Variants in TANC2 observed in about 807,000 individuals in gnomAD.
The protein encoded by TANC2 is tetratricopeptide repeat, ankyrin repeat and coiled-coil containing 2.
A neutral mutation model predicts 210.5 loss-of-function variants in TANC2; 26 were observed. The observed-to-expected ratio is 0.12, with a 90% confidence interval of 0.09 to 0.17. The LOEUF is 0.17. Ranked by LOEUF, TANC2 falls within the 10% of genes least tolerant of loss-of-function variation. The probability of loss-of-function intolerance (pLI) is 1.00; values close to 1 mark genes in which losing one functional copy is unlikely to be tolerated. For synonymous variants in TANC2, 931 were observed against 967.1 expected (o/e 0.96, Z 0.69); for missense variants, 2,129 against 2,608.9 (o/e 0.82, Z 4.01).
At chr17:63,231,219 C>T (rs2042467649) in intron 7 of TANC2, among the ~76,000 whole-genome samples, 1 of 151,988 alleles carries the variant, frequency 6.6e-6, no homozygotes, top group Admixed American at 6.6e-5. Flanking sequence ...ACCCAGCTTG[C>T]CACTCTGTCT....
At chr17:63,305,941 C>G (rs2044887176) in intron 9 of TANC2, among the ~76,000 whole-genome samples, 2 of 152,144 alleles carry the variant, frequency 1.3e-5, no homozygotes, top group Non-Finnish European at 2.9e-5. Context: ...GAGGCGTGGA[C>G]AGGACAGAAT....
At chr17:63,195,359 G>A (rs978242838) in intron 6 of TANC2, among the ~76,000 whole-genome samples, 3 of 152,058 alleles carry the variant, frequency 2.0e-5, no homozygotes, top group Non-Finnish European at 4.4e-5. Context: ...TGAGTAAATG[G>A]TATCACCTAC....
chr17:63,367,686 A>G (rs2047149916), intron 14 of TANC2, among the ~76,000 whole-genome samples: 1 of 152,188 alleles, frequency 6.6e-6, no homozygotes. Context: ...CACTGTAGGC[A>G]GAAAGGAAAA....
At chr17:63,301,297 T>C (rs2044704931) in intron 9 of TANC2, among the ~76,000 whole-genome samples, 2 of 152,202 alleles carry the variant, frequency 1.3e-5, no homozygotes, top group African/African-American at 4.8e-5. Context: ...CCTCATAAAA[T>C]GAGTAAAGGA....
Position 63,421,734 on chromosome 17 carries a change from G to T in TANC2, c.6004G>T (p.Asp2002Tyr). The change falls in exon 28 of 28, where the codon GAT becomes TAT. Residue 2002 changes from aspartate to tyrosine, a missense_variant. By Grantham distance (160) the Asp-to-Tyr change is radical. Transcript: ENST00000689528. This position sits in a 1 kb window ranked among gnomAD's most constrained non-coding sequence, Gnocchi z 6.9. ...ACAGAATGGCCATTTGCTGGAGGAC[G>T]ATTATTACAGCCCCCATGGGATGCT... The T allele has an allele frequency of 6.2e-7, 1 of 1,614,020 alleles. No individual in the cohort carries two copies. The highest frequency in any genetic ancestry group is 8.5e-7 in the Non-Finnish European group (1 of 1,179,906).
At chr17:63,273,765 C>T (rs1353562157) in intron 9 of TANC2, among the ~76,000 whole-genome samples, 1 of 152,208 alleles carries the variant, frequency 6.6e-6, no homozygotes, top group Non-Finnish European at 1.5e-5. Context: ...CTTAGTGGCT[C>T]TCACAGTGTG....
intron 4 of TANC2, among the ~76,000 whole-genome samples, chr17:63,137,576 C>G (rs1466583726): frequency 3.3e-5 from 5 of 152,160 alleles, no homozygotes; most frequent in Admixed American, 2.0e-4. Flanking sequence ...ATGAAAGCCT[C>G]TCTGTGTTTC....
chr17:63,083,034 C>G (rs1239146903), intron 3 of TANC2, among the ~76,000 whole-genome samples: 1 of 152,134 alleles, frequency 6.6e-6, no homozygotes, highest in Non-Finnish European at 1.5e-5. Flanking sequence ...TAAACACTGT[C>G]CATGAGTCAG....
chr17:63,159,707 GAGGATATACGT>G (rs2039959447), intron 5 of TANC2, among the ~76,000 whole-genome samples: 2 of 152,250 alleles, frequency 1.3e-5, no homozygotes, highest in Admixed American at 1.3e-4. Flanking sequence ...AAATATACGG[GAGGATATACGT>G]AGGATATATG....
chr17:63,363,059 G>A (rs768464226), intron 14 of TANC2, among the ~76,000 whole-genome samples: 1 of 152,164 alleles, frequency 6.6e-6, no homozygotes, highest in Non-Finnish European at 1.5e-5. Context: ...TTGGATAAAA[G>A]CCATTTTAAC....
intron 4 of TANC2, among the ~76,000 whole-genome samples, chr17:63,116,803 C>T (rs568704084): frequency 1.1e-3 from 160 of 152,274 alleles, no homozygotes; most frequent in African/African-American, 3.7e-3. Flanking sequence ...CAGTTCCTTA[C>T]ATTGCAACAA....
chr17:63,015,966 T>C (rs1407361839), intron 2 of TANC2, among the ~76,000 whole-genome samples: 1 of 152,084 alleles, frequency 6.6e-6, no homozygotes. Flanking sequence ...TAAATCATTA[T>C]TCAAGTATGC....
At chr17:63,159,749 A>G (rs150032513) in intron 5 of TANC2, among the ~76,000 whole-genome samples, 3 of 152,234 alleles carry the variant, frequency 2.0e-5, no homozygotes, top group Admixed American at 6.5e-5. Context: ...GTCATTTTGT[A>G]TACAAGGAGC....
chr17:63,259,621 CTT>C, intron 8 of TANC2, among the ~76,000 whole-genome samples: 1 of 152,228 alleles, frequency 6.6e-6, no homozygotes, highest in East Asian at 1.9e-4. Flanking sequence ...AATACATTCT[CTT>C]TTAATTAAAA....
intron 4 of TANC2, among the ~76,000 whole-genome samples, chr17:63,137,405 A>G (rs1405098523): frequency 6.6e-6 from 1 of 152,194 alleles, no homozygotes; most frequent in Admixed American, 6.5e-5. Context: ...ATACACAGCT[A>G]AAGTGTCTTT....
In TANC2 at chr17:63,379,602, G is replaced by C. The variant is rs1007108004; in HGVS notation, c.2583-116G>C. 6.1e-6 allele frequency: 4 copies of C among 654,074 alleles called. No homozygotes were observed. In the South Asian group the frequency reaches 7.8e-5, roughly 13 times the overall value. The allele number at this position is 654,074 out of a possible 1,614,324, so 40.5% of individuals were successfully genotyped here. On this transcript the variant is annotated intron_variant, in intron 14 of 27. Coordinates refer to ENST00000689528, the Ensembl canonical transcript of TANC2. ...GAGAATCACTTAAACCCAAGAGGTGGAGGCTGCAGTGAGCCGAGATTGCGC... is the reference window on the plus strand; with the variant it reads ...GAGAATCACTTAAACCCAAGAGGTGCAGGCTGCAGTGAGCCGAGATTGCGC...
chr17:63,056,295 A>C (rs938392761), intron 2 of TANC2, among the ~76,000 whole-genome samples: 1 of 151,382 alleles, frequency 6.6e-6, no homozygotes, highest in African/African-American at 2.4e-5. Context: ...ATTAGTTTCC[A>C]CTGGGGTAAG....
chr17:63,013,574 C>A (rs2033970123), intron 2 of TANC2, among the ~76,000 whole-genome samples: 2 of 152,018 alleles, frequency 1.3e-5, no homozygotes, highest in African/African-American at 4.8e-5. Flanking sequence ...CCAGCCTGGC[C>A]AACATGGCGA....
At chr17:63,056,013 A>G (rs2035790085) in intron 2 of TANC2, among the ~76,000 whole-genome samples, 1 of 89,090 alleles carries the variant, frequency 1.1e-5, no homozygotes, top group Non-Finnish European at 2.4e-5. Context: ...ATATATATAT[A>G]TATATATATA....
Sources: allele counts gnomAD v4.1 joint callset (sites outside exome capture counted in the v4.1 genomes callset), GRCh38; gene constraint gnomAD v4.1.1; non-coding constraint Gnocchi (gnomAD v3.1); transcripts MANE v1.5; gene names NCBI Gene and HGNC (gene_info 2026-07-23, HGNC 2026-07-21).